Variants in TBX15 observed in about 807,000 individuals in gnomAD.
The protein encoded by TBX15 is T-box transcription factor TBX15.
TBX15 carries 18 observed loss-of-function variants against 53.9 expected under a neutral mutation model. That is an observed-to-expected ratio of 0.33 (90% confidence interval 0.23 to 0.49). The LOEUF (loss-of-function observed/expected upper bound fraction) is 0.49, where lower values mean the gene tolerates loss of function less well. Among genes scored for constraint, TBX15 ranks in the 20% least tolerant of loss-of-function variants. TBX15 has a pLI of 0.98. For synonymous variants in TBX15, 295 were observed against 278.0 expected, an observed-to-expected ratio of 1.06 and a Z score of -0.61; for missense variants, 692 against 749.5, an observed-to-expected ratio of 0.92 and a Z score of 0.90.
chr1:118,894,719 G>C (rs937601538), intron 7 of TBX15, among the ~76,000 whole-genome samples: 1 of 152,174 alleles, frequency 6.6e-6, no homozygotes, highest in Non-Finnish European at 1.5e-5. Flanking sequence ...CTTCCCCATG[G>C]AGAGGGCACC....
intron 7 of TBX15, chr1:118,890,949 A>G: frequency 7.7e-7 from 1 of 1,303,988 alleles, no homozygotes; most frequent in South Asian, 1.2e-5. Context: ...TGTATCCTTG[A>G]GAAGTCTTCT....
chr1:118,885,330 C>G lies in TBX15; in HGVS notation c.1211G>C (p.Arg404Pro). Residue 404 changes from arginine to proline, a missense_variant, in exon 8 of 8, where the codon CGA becomes CCA. By Grantham distance (103) the Arg-to-Pro change is moderately radical (BLOSUM62 -2). Around this residue, in one of 3 missense-constraint regions of TBX15, gnomAD observed 375 missense variants for 371.6 expected, o/e 1.01. Transcript: ENST00000369429. ...GCTCTGCAAGGCAGCCATGTTGCTTCGGGCACATGGTGGATAATCAGAGAG... is the reference window on the plus strand; with the variant it reads ...GCTCTGCAAGGCAGCCATGTTGCTTGGGGCACATGGTGGATAATCAGAGAG... ...LNLSDYPPCA[R>P]SNMAALQSYP... 1 of 1,614,018 alleles carries G rather than the reference C, an allele frequency of 6.2e-7. No homozygotes were observed. Among genetic ancestry groups the G allele is most frequent in the South Asian group, 1.1e-5 (1 of 91,068 alleles).
intron 2 of TBX15, among the ~76,000 whole-genome samples, chr1:118,929,899 T>C (rs1571183432): frequency 6.6e-6 from 1 of 152,188 alleles, no homozygotes; most frequent in African/African-American, 2.4e-5. Flanking sequence ...AACCAACTCT[T>C]CTACCAAAAA....
chr1:118,965,616 A>G (rs1024704764), intron 1 of TBX15, among the ~76,000 whole-genome samples: 14 of 152,330 alleles, frequency 9.2e-5, no homozygotes, highest in African/African-American at 3.4e-4. Flanking sequence ...AGAATGCCCA[A>G]AAATAATCAT....
At chr1:118,971,639 C>A (rs1440753358) in intron 1 of TBX15, among the ~76,000 whole-genome samples, 4 of 152,160 alleles carry the variant, frequency 2.6e-5, no homozygotes, top group Non-Finnish European at 5.9e-5. Flanking sequence ...TTAAAGGCTT[C>A]TAACTTATCC....
At chr1:118,963,391 C>G (rs1656940151) in intron 1 of TBX15, among the ~76,000 whole-genome samples, 1 of 152,214 alleles carries the variant, frequency 6.6e-6, no homozygotes, top group Non-Finnish European at 1.5e-5. Flanking sequence ...CTTACCTGGA[C>G]CACCACAGGC....
intron 1 of TBX15, among the ~76,000 whole-genome samples, chr1:118,974,676 G>A (rs1367988565): frequency 6.6e-6 from 1 of 152,212 alleles, no homozygotes; most frequent in East Asian, 1.9e-4. Flanking sequence ...TGTTCATTGA[G>A]AAGAGAGACT....
Position 118,931,645 on chromosome 1 carries a change from A to T in TBX15, c.393T>A (p.Thr131=). The stretch of plus-strand genomic sequence containing the variant: ...TGCCTGCTTTGGTGATGATCATTTC[A>T]GTTCCAATATCATGGAACCGCTTCC... ...DLWKRFHDIG[T]EMIITKAGRR... The change falls in exon 2 of 8, where the codon ACT becomes ACA. Residue 131 remains threonine, a synonymous_variant. Coordinates refer to ENST00000369429, the MANE Select transcript of TBX15 (RefSeq NM_001330677.2). The T allele has an allele frequency of 6.2e-7, 1 of 1,614,140 alleles. No homozygotes were observed. The highest frequency in any genetic ancestry group is 1.3e-5 in the African/African-American group (1 of 75,062).
chr1:118,952,224 G>A (rs78767425), intron 1 of TBX15, among the ~76,000 whole-genome samples: 1,654 of 152,188 alleles, frequency 0.011, 37 homozygotes, highest in African/African-American at 0.038. Context: ...TAAGAATATA[G>A]TATATAATAC....
intron 1 of TBX15, among the ~76,000 whole-genome samples, chr1:118,949,726 C>T (rs957629215): frequency 1.3e-5 from 2 of 152,196 alleles, no homozygotes; most frequent in Non-Finnish European, 2.9e-5. Context: ...AGAGCTGCTA[C>T]TTTTCCTGCC....
At chr1:118,913,393 C>G (rs1476223033) in intron 6 of TBX15, among the ~76,000 whole-genome samples, 2 of 152,124 alleles carry the variant, frequency 1.3e-5, no homozygotes, top group Non-Finnish European at 2.9e-5. Context: ...TTGATTCTCT[C>G]CTAACTTTCC....
intron 1 of TBX15, among the ~76,000 whole-genome samples, chr1:118,977,914 AG>A (rs1339035653): frequency 6.6e-6 from 1 of 152,238 alleles, no homozygotes; most frequent in East Asian, 1.9e-4. Flanking sequence ...AATAGTAATG[AG>A]GGGGCAACTG....
At chr1:118,976,179 T>A (rs1432895011) in intron 1 of TBX15, among the ~76,000 whole-genome samples, 2 of 152,200 alleles carry the variant, frequency 1.3e-5, no homozygotes, top group Admixed American at 6.5e-5. Flanking sequence ...GCCGTAAACA[T>A]GGCAAAACAG....
chr1:118,904,122 G>A (rs1654731642), intron 6 of TBX15, among the ~76,000 whole-genome samples: 1 of 152,202 alleles, frequency 6.6e-6, no homozygotes, highest in Non-Finnish European at 1.5e-5. Context: ...CAGAATGGGA[G>A]AAGGGCAGTA....
In TBX15 at chr1:118,937,844, C is replaced by T. The variant is rs144356512; in HGVS notation, c.206-6012G>A. ...CCACTTCTTGATCTAGTTCATAAAT[C>T]ACAAAGTCTCTAAAACCAAAACTCT... On this transcript the variant is annotated intron_variant, in intron 1 of 7. Coordinates refer to ENST00000369429, the MANE Select transcript of TBX15 (RefSeq NM_001330677.2). 5.9e-5 allele frequency among the ~76,000 whole-genome samples: 9 copies of T among 152,268 alleles called. No individual in the cohort carries two copies. In the East Asian group the frequency reaches 1.7e-3, roughly 29 times the overall value.
At chr1:118,937,611 A>T (rs1286346670) in intron 1 of TBX15, among the ~76,000 whole-genome samples, 1 of 152,220 alleles carries the variant, frequency 6.6e-6, no homozygotes, top group Non-Finnish European at 1.5e-5. Context: ...TAAGAGATGT[A>T]GAATGCTCTG....
At chr1:118,915,829 T>C (rs1655201389) in intron 5 of TBX15, among the ~76,000 whole-genome samples, 1 of 152,202 alleles carries the variant, frequency 6.6e-6, no homozygotes, top group East Asian at 1.9e-4. Flanking sequence ...TTTGGGGGTC[T>C]CCACAGACCC....
chr1:118,885,713 T>TCACACA (rs140071874), intron 7 of TBX15, among the ~76,000 whole-genome samples, 197 bp from the exon 8 acceptor site: 73 of 149,558 alleles, frequency 4.9e-4, no homozygotes, highest in Middle Eastern at 3.5e-3. Context: ...ATACAGTCTC[T>TCACACA]CACACACACA....
intron 1 of TBX15, among the ~76,000 whole-genome samples, chr1:118,968,487 G>A (rs1657126765): frequency 6.6e-6 from 1 of 152,198 alleles, no homozygotes; most frequent in Admixed American, 6.5e-5. Flanking sequence ...GATTACAGGT[G>A]TGAACCACTA....
Sources: allele counts gnomAD v4.1 joint callset (sites outside exome capture counted in the v4.1 genomes callset), GRCh38; gene constraint gnomAD v4.1.1; regional missense constraint gnomAD v4.1.1; transcripts MANE v1.5; gene names NCBI Gene and HGNC (gene_info 2026-07-23, HGNC 2026-07-21).